Variants in GLI3 observed in about 807,000 individuals in gnomAD.
The protein encoded by GLI3 is transcription activator GLI3.
In GLI3, 20 loss-of-function variants were observed where a neutral mutation model predicts 100.8. That is an observed-to-expected ratio of 0.20 (90% CI 0.14 to 0.29). The LOEUF is 0.29. Ranked by LOEUF, GLI3 falls within the 10% of genes least tolerant of loss-of-function variation. The probability of loss-of-function intolerance (pLI) is 1.00; values close to 1 mark genes in which losing one functional copy is unlikely to be tolerated. For synonymous variants in GLI3, 938 were observed against 860.5 expected (o/e 1.09, Z -1.58); for missense variants, 2,040 against 2,128.5 (o/e 0.96, Z 0.82).
Position 41,965,945 on chromosome 7 carries a change from C to T in GLI3, c.3128G>A (p.Ser1043Asn). The T allele has an allele frequency of 6.2e-7, 1 of 1,612,262 alleles. No individual in the cohort carries two copies. Among genetic ancestry groups the T allele is most frequent in the Non-Finnish European group, 8.5e-7 (1 of 1,179,778 alleles). Residue 1043 changes from serine (S) to asparagine (N), a missense_variant, in exon 15 of 15, where the codon AGT becomes AAT. Physicochemically the swap from Ser to Asn is conservative, Grantham distance 46. Coordinates refer to ENST00000395925, the MANE Select transcript of GLI3 (RefSeq NM_000168.6). ...PAMATSAEKR[S>N]LVLQNYTRPE... The stretch of plus-strand genomic sequence containing the variant: ...CCGCGTGTAATTCTGAAGCACGAGA[C>T]TGCGCTTCTCCGCGGACGTGGCCAT...
chr7:42,012,779 G>A (rs1028451298), intron 10 of GLI3, among the ~76,000 whole-genome samples: 4 of 152,146 alleles, frequency 2.6e-5, no homozygotes, highest in Admixed American at 6.5e-5. Flanking sequence ...TGCTAAACAC[G>A]AGGAGGAATA....
chr7:41,978,572 G>A (rs1209070066), intron 11 of GLI3, 27 bp downstream of exon 11: 4 of 1,612,432 alleles, frequency 2.5e-6, no homozygotes, highest in African/African-American at 2.7e-5. Flanking sequence ...GGACCCAAGT[G>A]TGCCTGCCAC....
intron 3 of GLI3, among the ~76,000 whole-genome samples, chr7:42,114,590 A>G (rs1431650401): frequency 2.6e-5 from 4 of 152,240 alleles, no homozygotes; most frequent in Admixed American, 1.3e-4. Context: ...TGAAGTTCCA[A>G]GAACCCTAAG....
At chr7:42,185,586 C>G (rs1282901080) in intron 2 of GLI3, among the ~76,000 whole-genome samples, 1 of 152,192 alleles carries the variant, frequency 6.6e-6, no homozygotes, top group African/African-American at 2.4e-5. Flanking sequence ...GTACAAATAT[C>G]CAGATGCTTT....
chr7:42,172,480 T>A (rs369891098), intron 2 of GLI3: 39 of 667,388 alleles, frequency 5.8e-5, no homozygotes, highest in East Asian at 5.5e-4. Context: ...AAAGTGTAAA[T>A]GAATTAAATG....
intron 13 of GLI3, among the ~76,000 whole-genome samples, chr7:41,968,191 A>T (rs1787241433): frequency 6.6e-6 from 1 of 152,164 alleles, no homozygotes; most frequent in African/African-American, 2.4e-5. Flanking sequence ...ATCCTGCCCC[A>T]ATCGCCAACT....
At chr7:42,044,674 T>G (rs699491) in intron 6 of GLI3, among the ~76,000 whole-genome samples, 96,188 of 152,062 alleles carry the variant, frequency 0.63, 32,045 homozygotes, top group African/African-American at 0.86. Flanking sequence ...AGCTACAAAC[T>G]GTCTTAGTGG....
chr7:42,234,066 AAAG>A (rs1281911671), intron 1 of GLI3, among the ~76,000 whole-genome samples: 4 of 152,220 alleles, frequency 2.6e-5, no homozygotes, highest in African/African-American at 9.6e-5. Flanking sequence ...ACAATTGCAT[AAAG>A]AAGAAAAGTC....
intron 2 of GLI3, among the ~76,000 whole-genome samples, chr7:42,170,265 A>AATT (rs1562769811): frequency 4.1e-5 from 3 of 72,768 alleles, no homozygotes; most frequent in African/African-American, 1.7e-4. Context: ...AAAAAAAAAA[A>AATT]TTATATATAT....
chr7:42,070,445 A>G (rs994623941), intron 4 of GLI3, among the ~76,000 whole-genome samples: 2 of 152,180 alleles, frequency 1.3e-5, no homozygotes, highest in African/African-American at 4.8e-5. Flanking sequence ...TGTGGTCTTC[A>G]TTTTCACTAG....
intron 2 of GLI3, among the ~76,000 whole-genome samples, chr7:42,164,987 T>A (rs1787211047): frequency 6.6e-6 from 1 of 150,608 alleles, no homozygotes; most frequent in African/African-American, 2.4e-5. Flanking sequence ...TAAATCACTA[T>A]TCATGGGCCA....
intron 4 of GLI3, among the ~76,000 whole-genome samples, chr7:42,055,065 G>GCATA (rs1784427280): frequency 1.2e-5 from 1 of 80,582 alleles, no homozygotes; most frequent in Non-Finnish European, 2.8e-5. Context: ...ACACATATAT[G>GCATA]TATACATATA....
chr7:41,977,508 A>G, intron 12 of GLI3, 50 bp downstream of exon 12: 3 of 1,585,276 alleles, frequency 1.9e-6, no homozygotes, highest in African/African-American at 2.7e-5. Context: ...CTTCCCCGGG[A>G]TAGTTCTTTG....
In GLI3 at chr7:41,998,868, A is replaced by G. The variant is rs528823600; in HGVS notation, c.1498-20120T>C. Among the ~76,000 whole-genome samples, 2 of 152,328 alleles carry G rather than the reference A, an allele frequency of 1.3e-5. 1 individual carries two copies. The highest frequency in any genetic ancestry group is 4.8e-5 in the African/African-American group (2 of 41,576). On this transcript the variant is annotated intron_variant, in intron 10 of 14. Coordinates refer to ENST00000395925, the MANE Select transcript of GLI3 (RefSeq NM_000168.6). ...ATTTTGCATCTTTCTCTTCTGCTAA[A>G]AATATTAGTTTTCACCCCAACCTAC...
At chr7:42,002,529 TG>T (rs1554311258) in intron 10 of GLI3, among the ~76,000 whole-genome samples, 1 of 152,084 alleles carries the variant, frequency 6.6e-6, no homozygotes, top group Non-Finnish European at 1.5e-5. Context: ...AGAGACAAAA[TG>T]AATTTGAACA....
intron 2 of GLI3, among the ~76,000 whole-genome samples, chr7:42,187,641 A>G (rs1787743433): frequency 6.6e-6 from 1 of 152,156 alleles, no homozygotes; most frequent in African/African-American, 2.4e-5. Flanking sequence ...ATCTTTGCAG[A>G]TGTAATTTGT....
intron 2 of GLI3, among the ~76,000 whole-genome samples, chr7:42,218,807 C>T (rs980587930): frequency 2.6e-5 from 4 of 151,998 alleles, no homozygotes; most frequent in African/African-American, 9.7e-5. Context: ...ATAAAAGATC[C>T]CCAAGACCAC....
In GLI3 at chr7:42,246,805, C is replaced by CTTTTTTTTTTT. The variant is rs71006467; in HGVS notation, c.-43+17178_-43+17188dup. Among the ~76,000 whole-genome samples, 113 of 94,958 alleles carry CTTTTTTTTTTT rather than the reference C, an allele frequency of 1.2e-3. 14 individuals carry two copies. The highest frequency in any genetic ancestry group is 3.8e-3 in the African/African-American group (87 of 23,012). The allele number at this position is 94,958 out of a possible 152,430, so 62.3% of individuals were successfully genotyped here. On this transcript the variant is annotated intron_variant, in intron 1 of 2. Transcript: ENST00000678978. ...TTAAAGGCTCATTGGATGATAGAAT[C>CTTTTTTTTTTT]TTTTTTTTTTTTTTTTTTTTTTTTT... is the stretch of plus-strand genomic sequence containing the variant.
chr7:42,246,746 T>C (rs913795979), intron 1 of GLI3, among the ~76,000 whole-genome samples: 1 of 151,322 alleles, frequency 6.6e-6, no homozygotes, highest in South Asian at 2.1e-4. Flanking sequence ...AAGCTGTTAT[T>C]TTCGGCGGTT....
Sources: allele counts gnomAD v4.1 joint callset (sites outside exome capture counted in the v4.1 genomes callset), GRCh38; gene constraint gnomAD v4.1.1; transcripts MANE v1.5; gene names NCBI Gene and HGNC (gene_info 2026-07-23, HGNC 2026-07-21).